Variants in ATG7 observed in about 807,000 individuals in gnomAD.
ATG7 encodes autophagy related 7.
A neutral mutation model predicts 82.4 loss-of-function variants in ATG7; 70 were observed. That is an observed-to-expected ratio of 0.85 (90% CI 0.70 to 1.04). The LOEUF is 1.04. ATG7 is among the 50% of genes least tolerant of loss of function. The probability of loss-of-function intolerance (pLI) is 0.00; values close to 1 mark genes in which losing one functional copy is unlikely to be tolerated. For missense variants in ATG7, 792 were observed against 864.3 expected, an observed-to-expected ratio of 0.92 and a Z score of 1.05; for synonymous variants, 287 against 313.0, an observed-to-expected ratio of 0.92 and a Z score of 0.88.
chr3:11,314,939 G>A (rs180750664), intron 8 of ATG7, among the ~76,000 whole-genome samples: 21 of 152,224 alleles, frequency 1.4e-4, no homozygotes, highest in Admixed American at 5.2e-4. Context: ...TAGTAAATGG[G>A]TGAGTTGTAT....
At chr3:11,399,090 G>A (rs995899769) in intron 19 of ATG7, among the ~76,000 whole-genome samples, 2 of 152,194 alleles carry the variant, frequency 1.3e-5, no homozygotes, top group Non-Finnish European at 2.9e-5. Flanking sequence ...GCTCACGCCT[G>A]TAATCCCAGC....
chr3:11,547,500 T>C (rs539748966), intron 20 of ATG7, among the ~76,000 whole-genome samples: 35 of 152,368 alleles, frequency 2.3e-4, no homozygotes, highest in African/African-American at 7.5e-4. Context: ...CAAGTTTTTA[T>C]GTGGACACGT....
chr3:11,409,772 ATTC>A (rs1279683496), intron 19 of ATG7, among the ~76,000 whole-genome samples: 1 of 111,636 alleles, frequency 9.0e-6, no homozygotes, highest in Non-Finnish European at 1.9e-5. Context: ...GTGTGTCTAG[ATTC>A]TTTTTTTTTT....
rs2072390651 is a variant in ATG7, at chr3:11,556,216, G to A, written c.*1373G>A. 6.6e-6 allele frequency: 1 copy of A among 152,606 alleles called. No individual in the cohort carries two copies. The highest frequency in any genetic ancestry group is 1.5e-5 in the Non-Finnish European group (1 of 68,006). The allele number at this position is 152,606 out of a possible 1,614,324, so 9.5% of individuals were successfully genotyped here. Reference sequence around the variant, plus strand: ...ATTTACACACATGAAGAGAAGGTCAGAGCGCACTGCAGGCAGCGCGGCTCT... The same window carrying A: ...ATTTACACACATGAAGAGAAGGTCAAAGCGCACTGCAGGCAGCGCGGCTCT... On this transcript the variant is annotated 3_prime_UTR_variant, in exon 21 of 21. Transcript: ENST00000693202.
intron 5 of ATG7, among the ~76,000 whole-genome samples, chr3:11,303,917 CA>C (rs55893689): frequency 0.47 from 35,937 of 75,858 alleles, 6,290 homozygotes; most frequent in East Asian, 0.59. Flanking sequence ...ACTAAAAATG[CA>C]AAAAAAAAAA....
rs2084878427 is a variant in ATG7, at chr3:11,449,283, G to T, written c.2079+22357G>T. Among the ~76,000 whole-genome samples the T allele has an allele frequency of 2.0e-5, 3 of 152,118 alleles. No homozygotes were observed. The South Asian group carries it at 6.2e-4, about 32-fold the overall frequency. ...GCTATTCAGGAGGCTGGGGTGGGAG[G>T]ATTGCTTGAGTCCAGAAGTTTGAGG... On this transcript the variant is annotated intron_variant, in intron 20 of 20. Coordinates refer to ENST00000693202, the MANE Select transcript of ATG7 (RefSeq NM_001349232.2).
intron 6 of ATG7, among the ~76,000 whole-genome samples, chr3:11,307,694 T>C (rs1403926734): frequency 6.6e-6 from 1 of 152,252 alleles, no homozygotes; most frequent in Non-Finnish European, 1.5e-5. Flanking sequence ...TTTCCTTTGC[T>C]TCTTTACATT....
intron 20 of ATG7, among the ~76,000 whole-genome samples, chr3:11,521,278 C>T (rs1008141463): frequency 6.6e-6 from 1 of 152,154 alleles, no homozygotes; most frequent in African/African-American, 2.4e-5. Context: ...GTGCTAGATG[C>T]TGACAAAGAC....
intron 19 of ATG7, among the ~76,000 whole-genome samples, chr3:11,401,594 T>C (rs1487093975): frequency 6.6e-6 from 1 of 152,208 alleles, no homozygotes; most frequent in East Asian, 1.9e-4. Context: ...TAGGGGTTTT[T>C]TAAATGTATG....
intron 20 of ATG7, among the ~76,000 whole-genome samples, chr3:11,468,938 G>A (rs1480404218): frequency 6.6e-6 from 1 of 152,214 alleles, no homozygotes; most frequent in Non-Finnish European, 1.5e-5. Context: ...GGCTGTGTGT[G>A]GGCAGATTGA....
Position 11,426,896 on chromosome 3 carries a change from A to G in ATG7, c.2049A>G (p.Thr683=). 1 of 1,607,544 alleles carries G rather than the reference A, an allele frequency of 6.2e-7. No individual in the cohort carries two copies. Among genetic ancestry groups the G allele is most frequent in the Non-Finnish European group, 8.5e-7 (1 of 1,177,780 alleles). ...HSFLEDLTGL[T]LLHQETQAAE... is the part of the protein sequence containing the mutation. ...TCTTAGAAGACTTGACTGGTCTTAC[A>G]TTGCTGCATCAAGAAACCCAAGCTG... The change falls in exon 20 of 21, where the codon ACA becomes ACG. Residue 683 remains threonine, a synonymous_variant. Transcript: ENST00000693202.
chr3:11,558,847 C>T (rs1289214034), downstream of ATG7: 1 of 1,607,766 alleles, frequency 6.2e-7, no homozygotes, highest in Non-Finnish European at 8.5e-7. Context: ...AGCAGGAAGG[C>T]AGGCAGTCAG....
rs1363777108 is a variant in ATG7 at position 11,372,957 on chromosome 3, A to G, written c.1876-7015A>G. On this transcript the variant is annotated intron_variant, in intron 18 of 20. Coordinates refer to ENST00000693202, the MANE Select transcript of ATG7 (RefSeq NM_001349232.2). ...TTAAAAGAAAGTTAAATGTTTAGAT[A>G]ATTTTTTAAAAAATAGGAAAATGGA... Among the ~76,000 whole-genome samples, 2 of 151,326 alleles carry G rather than the reference A, an allele frequency of 1.3e-5. 1 individual carries two copies. Among genetic ancestry groups the G allele is most frequent in the African/African-American group, 4.9e-5 (2 of 41,054 alleles).
At chr3:11,460,602 TGTAGCAATTC>T (rs1471086453) in intron 20 of ATG7, among the ~76,000 whole-genome samples, 1 of 152,176 alleles carries the variant, frequency 6.6e-6, no homozygotes, top group South Asian at 2.1e-4. Context: ...GAGAACAGAA[TGTAGCAATTC>T]ACAGAATTCA....
At chr3:11,558,667 C>T (rs140420103), downstream of ATG7, 68 of 1,613,226 alleles carry the variant, frequency 4.2e-5, no homozygotes, top group African/African-American at 5.6e-4. Context: ...CGTCCTTGGC[C>T]GCTTTGATCT....
chr3:11,548,283 G>C (rs2071459262), intron 20 of ATG7, among the ~76,000 whole-genome samples: 1 of 152,026 alleles, frequency 6.6e-6, no homozygotes, highest in African/African-American at 2.4e-5. Context: ...ATATATTCTA[G>C]ATACAAGTCT....
chr3:11,465,961 T>G (rs892999273), intron 20 of ATG7, among the ~76,000 whole-genome samples: 1 of 152,166 alleles, frequency 6.6e-6, no homozygotes, highest in Non-Finnish European at 1.5e-5. Flanking sequence ...ATTCTGAAAG[T>G]TGGTACATTC....
chr3:11,434,793 A>G (rs1330768798), intron 20 of ATG7, among the ~76,000 whole-genome samples: 1 of 152,214 alleles, frequency 6.6e-6, no homozygotes, highest in African/African-American at 2.4e-5. Context: ...GGAGAAGTCT[A>G]AGCGAGAAAG....
intron 12 of ATG7, 78 bp from the exon 13 acceptor site, chr3:11,342,057 G>A: frequency 1.4e-6 from 2 of 1,420,106 alleles, no homozygotes; most frequent in Non-Finnish European, 1.9e-6. Context: ...TTATTTTCTT[G>A]CATAGCCACT....
Sources: gnomAD v4.1 joint callset for allele counts (sites outside exome capture counted in the v4.1 genomes callset) on GRCh38, gnomAD v4.1.1 for gene constraint, MANE v1.5 for transcripts, NCBI Gene and HGNC (gene_info 2026-07-23, HGNC 2026-07-21) for gene names.